The following RNF111 variants were observed in gnomAD, a reference collection of about 807,000 sequenced individuals.
RNF111 encodes the protein ring finger protein 111.
In RNF111, 17 loss-of-function variants were observed where a neutral mutation model predicts 95.1. That is an observed-to-expected ratio of 0.18 (90% CI 0.12 to 0.27). RNF111 has a LOEUF of 0.27. Among genes scored for constraint, RNF111 ranks in the 10% least tolerant of loss-of-function variants. RNF111 has a pLI of 1.00. For missense variants in RNF111, 1,189 were observed against 1,210.4 expected, an observed-to-expected ratio of 0.98 and a Z score of 0.26; for synonymous variants, 440 against 414.8, an observed-to-expected ratio of 1.06 and a Z score of -0.74.
chr15:59,058,815 C>G, intron 5 of RNF111: 1 of 382,954 alleles, frequency 2.6e-6, no homozygotes. Context: ...GCATGAGCAA[C>G]AAAAGCAAAA....
At chr15:59,047,875 TAC>T (rs1238007071) in intron 2 of RNF111, among the ~76,000 whole-genome samples, 2 of 152,208 alleles carry the variant, frequency 1.3e-5, no homozygotes, top group East Asian at 3.8e-4. Context: ...GTATCCAGCC[TAC>T]TTATTTTAGA....
chr15:59,090,710 C>A (rs2140240766), intron 11 of RNF111, among the ~76,000 whole-genome samples: 1 of 152,236 alleles, frequency 6.6e-6, no homozygotes, highest in South Asian at 2.1e-4. Context: ...TTTTGCTGTA[C>A]CATTTCAGTT....
intron 5 of RNF111, 140 bp from the exon 6 acceptor site, chr15:59,066,624 G>A (rs555695062): frequency 2.1e-5 from 15 of 714,790 alleles, no homozygotes; most frequent in Admixed American, 1.5e-4. Flanking sequence ...AAAAAAGAAC[G>A]TGGCACTATC....
At chr15:59,075,820 T>C (rs2140133555) in intron 6 of RNF111, 134 bp from the exon 7 acceptor site, 1 of 929,026 alleles carries the variant, frequency 1.1e-6, no homozygotes, top group East Asian at 2.6e-5. Context: ...TGGTTCTTCA[T>C]ACTAAGAATC....
At chr15:59,026,416 T>C (rs1596123361) in intron 1 of RNF111, among the ~76,000 whole-genome samples, 1 of 152,184 alleles carries the variant, frequency 6.6e-6, no homozygotes, top group African/African-American at 2.4e-5. Flanking sequence ...ATTGGATCGA[T>C]CTACACAAAG....
At position 59,085,773 on chromosome 15, in the gene RNF111, T is replaced by C. The variant is rs758879788; in HGVS notation, c.2538T>C (p.Ala846=). Residue 846 remains alanine (A), a synonymous_variant, in exon 10 of 14, where the codon GCT becomes GCC. Transcript: ENST00000348370. ...GACTTCATCACTTACAATTAGGAGCTCTTCCTTTAATGGTAAAATGGAAAA... is the reference window on the plus strand; with the variant it reads ...GACTTCATCACTTACAATTAGGAGCCCTTCCTTTAATGGTAAAATGGAAAA... ...PPRLHHLQLG[A]LPLMVPDMAG... The C allele has an allele frequency of 6.2e-7, 1 of 1,612,546 alleles. No individual in the cohort carries two copies. The highest frequency in any genetic ancestry group is 1.1e-5 in the South Asian group (1 of 90,832).
chr15:59,058,326 A>G, intron 4 of RNF111, 30 bp from the exon 5 acceptor site: 1 of 1,580,450 alleles, frequency 6.3e-7, no homozygotes, highest in Non-Finnish European at 8.7e-7. Context: ...TTTGTTTTGA[A>G]ATGCTAAGTT....
At chr15:59,058,727 G>C in intron 5 of RNF111, 177 bp downstream of exon 5, 1 of 614,814 alleles carries the variant, frequency 1.6e-6, no homozygotes, top group Non-Finnish European at 2.8e-6. Context: ...TCATATTTGA[G>C]TTTGTGTGCT....
intron 3 of RNF111, among the ~76,000 whole-genome samples, chr15:59,053,284 C>T (rs527937415): frequency 6.6e-6 from 1 of 152,288 alleles, no homozygotes; most frequent in South Asian, 2.1e-4. Flanking sequence ...AATATCAACT[C>T]CTAACATTGC....
chr15:59,058,469 G>A lies in RNF111; in HGVS notation c.1285G>A (p.Val429Ile). 1.2e-6 allele frequency: 2 copies of A among 1,614,058 alleles called. No homozygotes were observed. The highest frequency in any genetic ancestry group is 1.1e-5 in the South Asian group (1 of 91,078). ...GCAGGCCTCTGATACTGCTTCAGCT[G>A]TCACCAGTAGCCAACCTTCCACAGT... ...SEQASDTASA[V>I]TSSQPSTVSE... The change falls in exon 5 of 14, where the codon GTC becomes ATC. Residue 429 changes from valine to isoleucine, a missense_variant. By Grantham distance (29) the Val-to-Ile change is conservative. Around this residue, in one of 2 missense-constraint regions of RNF111, gnomAD observed 1,024 missense variants for 925.9 expected, o/e 1.11. Coordinates refer to ENST00000348370, the MANE Select transcript of RNF111 (RefSeq NM_017610.8).
intron 6 of RNF111, among the ~76,000 whole-genome samples, chr15:59,074,043 T>G (rs1331588680): frequency 6.6e-6 from 1 of 152,244 alleles, no homozygotes; most frequent in East Asian, 1.9e-4. Context: ...TGCCAAGCAG[T>G]AACATTTTGA....
intron 3 of RNF111, among the ~76,000 whole-genome samples, chr15:59,054,524 C>T (rs2042125537): frequency 6.6e-6 from 1 of 152,080 alleles, no homozygotes; most frequent in Non-Finnish European, 1.5e-5. Flanking sequence ...TATCTTTCCT[C>T]ATACAAAACC....
chr15:59,004,686 G>C lies in RNF111; in HGVS notation c.-20+16618G>C, dbSNP rs142625026. 3.6e-3 allele frequency among the ~76,000 whole-genome samples: 543 copies of C among 152,250 alleles called. 4 individuals are homozygous for C. Among genetic ancestry groups the C allele is most frequent in the African/African-American group, 0.013 (522 of 41,548 alleles). On this transcript the variant is annotated intron_variant, in intron 1 of 13. Coordinates refer to ENST00000348370, the MANE Select transcript of RNF111 (RefSeq NM_017610.8). ...CCAAGGAAAGCAAAAATGGCATTTA[G>C]TCAAAGATAACCTTGGAAATCCCTA...
intron 1 of RNF111, among the ~76,000 whole-genome samples, chr15:58,997,731 G>T (rs2039140337): frequency 6.6e-6 from 1 of 150,824 alleles, no homozygotes; most frequent in Non-Finnish European, 1.5e-5. Context: ...CAGGAGGATG[G>T]CTTGAACCCG....
At chr15:59,050,822 A>G (rs754853595) in intron 2 of RNF111, among the ~76,000 whole-genome samples, 3 of 152,200 alleles carry the variant, frequency 2.0e-5, no homozygotes, top group Non-Finnish European at 2.9e-5. Context: ...TTAAACATAC[A>G]ATACGTTATT....
intron 2 of RNF111, among the ~76,000 whole-genome samples, chr15:59,051,350 C>T (rs1323027302): frequency 8.6e-5 from 13 of 150,766 alleles, no homozygotes; most frequent in Non-Finnish European, 1.8e-4. Flanking sequence ...TCTAGCTACT[C>T]GGGAGGCTGA....
At chr15:59,004,608 G>T (rs897396733) in intron 1 of RNF111, among the ~76,000 whole-genome samples, 1 of 152,120 alleles carries the variant, frequency 6.6e-6, no homozygotes, top group African/African-American at 2.4e-5. Context: ...ATATCTTGGT[G>T]TTTTTTGTTT....
chr15:59,038,659 G>A (rs2141841097), intron 2 of RNF111, among the ~76,000 whole-genome samples: 1 of 152,132 alleles, frequency 6.6e-6, no homozygotes, highest in African/African-American at 2.4e-5. Context: ...CACAAAAATT[G>A]TAGACATCAT....
intron 3 of RNF111, among the ~76,000 whole-genome samples, chr15:59,055,187 C>T (rs1206708556): frequency 2.0e-5 from 3 of 152,182 alleles, no homozygotes; most frequent in Admixed American, 6.5e-5. Flanking sequence ...CAGGAAATCT[C>T]CCTGGTGCCT....
Sources: allele counts gnomAD v4.1 joint callset (sites outside exome capture counted in the v4.1 genomes callset), GRCh38; gene constraint gnomAD v4.1.1; regional missense constraint gnomAD v4.1.1; transcripts MANE v1.5; gene names NCBI Gene and HGNC (gene_info 2026-07-23, HGNC 2026-07-21).